The following MECOM variants were observed in gnomAD, a reference collection of about 807,000 sequenced individuals.
The protein encoded by MECOM is MDS1 and EVI1 complex locus, also known as histone-lysine N-methyltransferase MECOM.
A neutral mutation model predicts 116.3 loss-of-function variants in MECOM; 13 were observed. The observed-to-expected ratio is 0.11, with a 90% confidence interval of 0.07 to 0.18. The LOEUF (loss-of-function observed/expected upper bound fraction) is 0.18, where lower values mean the gene tolerates loss of function less well. Ranked by LOEUF, MECOM falls within the 10% of genes least tolerant of loss-of-function variation. The pLI is 1.00. For synonymous variants in MECOM, 528 were observed against 535.2 expected (o/e 0.99, Z 0.19); for missense variants, 1,299 against 1,509.0 (o/e 0.86, Z 2.31).
chr3:169,536,219 C>T (rs1410336770), intron 1 of MECOM, among the ~76,000 whole-genome samples: 1 of 152,062 alleles, frequency 6.6e-6, no homozygotes, highest in African/African-American at 2.4e-5. Context: ...TTAGTGAAAC[C>T]CAGGTCAGGA....
At chr3:169,273,799 C>T (rs1445682333) in intron 2 of MECOM, among the ~76,000 whole-genome samples, 1 of 152,006 alleles carries the variant, frequency 6.6e-6, no homozygotes, top group Non-Finnish European at 1.5e-5. Context: ...TCTTGGAAAC[C>T]CTTGAAGAGG....
chr3:169,192,526 T>A lies in MECOM; in HGVS notation c.376-48694A>T, dbSNP rs77571947. Among the ~76,000 whole-genome samples the A allele has an allele frequency of 2.1e-3, 326 of 152,176 alleles. 4 individuals carry two copies. The highest frequency in any genetic ancestry group is 0.02 in the Admixed American group (304 of 15,262). ...CTATGATTAGCCTAGTAGAAAGTAT[T>A]ACTGAAGAATATGGACATTATGCAT... is the stretch of plus-strand genomic sequence containing the variant. On this transcript the variant is annotated intron_variant, in intron 2 of 16. Transcript: ENST00000651503.
At position 169,571,999 on chromosome 3, in the gene MECOM, TTAAAC is replaced by T. The variant is rs752444193; in HGVS notation, c.37+91332_37+91336del. Among the ~76,000 whole-genome samples the T allele has an allele frequency of 7.6e-3, 1,158 of 152,316 alleles. 7 individuals carry two copies. The highest frequency in any genetic ancestry group is 9.1e-3 in the Non-Finnish European group (618 of 68,026). ...GCCAAAATTGATAAATAGGATCTAA[TTAAAC>T]TAAAGAGTTTCTGCACAGCAAAAGA... On this transcript the variant is annotated intron_variant, in intron 1 of 16. Transcript: ENST00000651503.
chr3:169,091,358 A>C (rs906139058), intron 14 of MECOM, among the ~76,000 whole-genome samples: 4 of 152,080 alleles, frequency 2.6e-5, no homozygotes, highest in African/African-American at 9.7e-5. Flanking sequence ...CAGGGGAAAA[A>C]CTTAGATGAC....
intron 1 of MECOM, among the ~76,000 whole-genome samples, chr3:169,400,471 TTTGA>T (rs1419065282): frequency 1.3e-5 from 2 of 152,330 alleles, no homozygotes; most frequent in Non-Finnish European, 2.9e-5. Flanking sequence ...CATACATTTG[TTTGA>T]TTGAGCCGTC....
Position 169,576,838 on chromosome 3 carries a change from C to CACAGAGAGAGAGAG in MECOM, c.37+86497_37+86498insCTCTCTCTCTCTGT, listed in dbSNP as rs368016499. Among the ~76,000 whole-genome samples the CACAGAGAGAGAGAG allele has an allele frequency of 1.3e-3, 166 of 125,090 alleles. 1 individual carries two copies. The highest frequency in any genetic ancestry group is 1.7e-3 in the Admixed American group (21 of 12,092). 82.1% of individuals were successfully genotyped at this position (125,090 alleles called of 152,430 possible). A position where few individuals can be genotyped will look rare whatever the true frequency, so the allele number is the denominator to read the frequency against. On this transcript the variant is annotated intron_variant, in intron 1 of 16. Transcript: ENST00000651503. The stretch of plus-strand genomic sequence containing the variant: ...ACACACACACACACACACACACACA[C>CACAGAGAGAGAGAG]AGAGAGAGAGAGAGAGAGTTAAGAG...
At chr3:169,129,881 G>A (rs1282519535) in intron 4 of MECOM, among the ~76,000 whole-genome samples, 1 of 152,034 alleles carries the variant, frequency 6.6e-6, no homozygotes, top group South Asian at 2.1e-4. Flanking sequence ...TTTCCCACAG[G>A]TTCTATGCAT....
At chr3:169,337,859 T>C (rs1454601946) in intron 2 of MECOM, among the ~76,000 whole-genome samples, 1 of 152,202 alleles carries the variant, frequency 6.6e-6, no homozygotes, top group Admixed American at 6.5e-5. Context: ...ATGTTTAATA[T>C]AATCTATACT....
chr3:169,503,820 T>C (rs934048848), intron 1 of MECOM, among the ~76,000 whole-genome samples: 5 of 152,158 alleles, frequency 3.3e-5, no homozygotes, highest in African/African-American at 9.7e-5. Flanking sequence ...ATGGGCAAAG[T>C]ATATGGTATT....
At chr3:169,594,445 C>A (rs769049877) in intron 1 of MECOM, among the ~76,000 whole-genome samples, 3 of 152,008 alleles carry the variant, frequency 2.0e-5, no homozygotes, top group Non-Finnish European at 4.4e-5. Flanking sequence ...AAGTCAAATT[C>A]TTAGGCCCCA....
At chr3:169,483,953 A>C in intron 1 of MECOM, 1 of 1,605,760 alleles carries the variant, frequency 6.2e-7, no homozygotes, top group Middle Eastern at 2.3e-4. Flanking sequence ...AATTGGCAGC[A>C]TCCATGATTC....
chr3:169,470,572 G>T (rs1335502662), intron 1 of MECOM, among the ~76,000 whole-genome samples: 1 of 152,172 alleles, frequency 6.6e-6, no homozygotes, highest in Non-Finnish European at 1.5e-5. Context: ...AGGTGTATGA[G>T]GGGGAGGGGA....
chr3:169,651,040 T>C (rs1577289728), intron 1 of MECOM, among the ~76,000 whole-genome samples: 2 of 152,222 alleles, frequency 1.3e-5, no homozygotes, highest in Admixed American at 1.3e-4. Flanking sequence ...CTTCCAGTAC[T>C]GTGTTGAAGA....
At chr3:169,146,494 AC>A in intron 2 of MECOM, 3 of 1,381,004 alleles carry the variant, frequency 2.2e-6, no homozygotes, top group Non-Finnish European at 2.9e-6. Flanking sequence ...CGGACGACCC[AC>A]CCCGGAGACG....
chr3:169,204,161 G>A (rs1161073322), intron 2 of MECOM, among the ~76,000 whole-genome samples: 5 of 152,166 alleles, frequency 3.3e-5, no homozygotes, highest in Admixed American at 3.3e-4. Flanking sequence ...TTTTCCCCAT[G>A]AAGGTTACCA....
intron 2 of MECOM, among the ~76,000 whole-genome samples, chr3:169,195,590 C>T (rs1243934292): frequency 1.3e-5 from 2 of 152,044 alleles, no homozygotes; most frequent in East Asian, 1.9e-4. Context: ...TTATAACCCT[C>T]TGCTTAAGAG....
intron 3 of MECOM, chr3:169,134,041 C>T (rs1735593628): frequency 1.1e-6 from 1 of 900,678 alleles, no homozygotes; most frequent in Non-Finnish European, 1.6e-6. Context: ...AGAGACAATA[C>T]CCTACAAGAC....
intron 2 of MECOM, among the ~76,000 whole-genome samples, chr3:169,178,362 T>C (rs1745482739): frequency 6.6e-6 from 1 of 152,170 alleles, no homozygotes; most frequent in Non-Finnish European, 1.5e-5. Context: ...AGGAGAGATA[T>C]AATCAGATTG....
At chr3:169,361,746 A>G (rs1430434) in intron 2 of MECOM, among the ~76,000 whole-genome samples, 83,973 of 151,554 alleles carry the variant, frequency 0.55, 23,839 homozygotes, top group East Asian at 0.69. Flanking sequence ...CTCTTGGTCC[A>G]TGTGTTATAC....
Sources: allele counts gnomAD v4.1 joint callset (sites outside exome capture counted in the v4.1 genomes callset), GRCh38; gene constraint gnomAD v4.1.1; transcripts MANE v1.5; gene names NCBI Gene and HGNC (gene_info 2026-07-23, HGNC 2026-07-21).